The following CD28 variants were observed in gnomAD, a reference collection of about 807,000 sequenced individuals.
CD28 encodes T-cell-specific surface glycoprotein CD28.
CD28 carries 8 observed loss-of-function variants against 21.4 expected under a neutral mutation model. The ratio of observed to expected loss-of-function variants is 0.37; its 90% confidence interval spans 0.22 to 0.68. CD28 has a LOEUF of 0.68. Among genes scored for constraint, CD28 ranks in the 30% least tolerant of loss-of-function variants. The pLI is 0.55. For synonymous variants in CD28, 106 were observed against 104.0 expected (o/e 1.02, Z -0.12); for missense variants, 239 against 272.2 (o/e 0.88, Z 0.86).
chr2:203,728,391 G>A (rs1385377893), intron 2 of CD28, among the ~76,000 whole-genome samples: 2 of 152,136 alleles, frequency 1.3e-5, no homozygotes, highest in African/African-American at 2.4e-5. Flanking sequence ...TGATTTTTTG[G>A]TATACTTTGT....
intron 1 of CD28, among the ~76,000 whole-genome samples, chr2:203,711,507 C>G (rs1693310078): frequency 6.6e-6 from 1 of 152,166 alleles, no homozygotes; most frequent in East Asian, 1.9e-4. Context: ...TTGAGCTGCT[C>G]CCTTATCTCT....
intron 2 of CD28, among the ~76,000 whole-genome samples, chr2:203,728,101 C>T (rs373603238): frequency 1.3e-5 from 2 of 152,324 alleles, no homozygotes; most frequent in East Asian, 1.9e-4. Flanking sequence ...TAAGCCACCG[C>T]GCCCAGCCCG....
chr2:203,726,630 C>T lies in CD28; in HGVS notation c.53-3C>T. Reference sequence around the variant, plus strand: ...CTAAGCAAATGATTTTTTTTTCCCCCAGGAAACAAGATTTTGGTGAAGCAG... The same window carrying T: ...CTAAGCAAATGATTTTTTTTTCCCCTAGGAAACAAGATTTTGGTGAAGCAG... On this transcript the variant is annotated splice_region_variant and splice_polypyrimidine_tract_variant and intron_variant, in intron 1 of 3. Coordinates refer to ENST00000324106, the MANE Select transcript of CD28 (RefSeq NM_006139.4). 1.3e-6 allele frequency: 2 copies of T among 1,586,306 alleles called. No individual in the cohort carries two copies. The highest frequency in any genetic ancestry group is 3.7e-5 in the Admixed American group (2 of 54,418).
In CD28 at chr2:203,727,129, A is replaced by T. The variant is rs1693772704; in HGVS notation, c.409+140A>T. 3 of 629,336 alleles carry T rather than the reference A, an allele frequency of 4.8e-6. No individual in the cohort carries two copies. The African/African-American group carries it at 5.5e-5, about 12-fold the overall frequency. The allele number at this position is 629,336 out of a possible 1,614,324, so 39.0% of individuals were successfully genotyped here. A position where few individuals can be genotyped will look rare whatever the true frequency, so the allele number is the denominator to read the frequency against. ...AACAAAGACAAATAATGTTTTCAGA[A>T]AAATTTTTCCCTTTACTGTAGAGGA... On this transcript the variant is annotated intron_variant, in intron 2 of 3. Coordinates refer to ENST00000324106, the MANE Select transcript of CD28 (RefSeq NM_006139.4).
chr2:203,713,246 A>G (rs1360798541), intron 1 of CD28, among the ~76,000 whole-genome samples: 1 of 152,214 alleles, frequency 6.6e-6, no homozygotes, highest in Non-Finnish European at 1.5e-5. Context: ...TTTTGAAGTA[A>G]TGGCCTGGGT....
chr2:203,706,765 T>C lies in CD28; in HGVS notation c.52+17T>C, dbSNP rs1385754253. On this transcript the variant is annotated intron_variant, in intron 1 of 3. Transcript: ENST00000324106. ...AAGTAACAGGTAAACAATGTTAATG[T>C]CTTTCTTTCTGTAAATATTTTTTGA... 2.6e-6 allele frequency: 4 copies of C among 1,560,870 alleles called. No individual in the cohort carries two copies. The highest frequency in any genetic ancestry group is 2.7e-6 in the Non-Finnish European group (3 of 1,131,862).
At chr2:203,721,158 G>A (rs1404391293) in intron 1 of CD28, among the ~76,000 whole-genome samples, 1 of 152,206 alleles carries the variant, frequency 6.6e-6, no homozygotes, top group Non-Finnish European at 1.5e-5. Context: ...GTGTTTGAGA[G>A]CCAGCTAATT....
intron 1 of CD28, among the ~76,000 whole-genome samples, chr2:203,709,460 T>C (rs1168327418): frequency 6.6e-6 from 1 of 152,228 alleles, no homozygotes; most frequent in African/African-American, 2.4e-5. Flanking sequence ...TCTATAAAGG[T>C]TAAGTCTAAC....
intron 3 of CD28, among the ~76,000 whole-genome samples, chr2:203,733,342 G>A (rs1693947250): frequency 6.6e-6 from 1 of 152,172 alleles, no homozygotes; most frequent in Non-Finnish European, 1.5e-5. Context: ...GGGAGCTTGA[G>A]GTGTCAAGGA....
chr2:203,729,858 T>G lies in CD28; in HGVS notation c.534+86T>G. The G allele has an allele frequency of 2.2e-6, 3 of 1,387,796 alleles. No individual in the cohort carries two copies. In the South Asian group the frequency reaches 3.9e-5, roughly 18 times the overall value. 86.0% of individuals were successfully genotyped at this position (1,387,796 alleles called of 1,614,324 possible). A position where few individuals can be genotyped will look rare whatever the true frequency, so the allele number is the denominator to read the frequency against. On this transcript the variant is annotated intron_variant, in intron 3 of 3. Coordinates refer to ENST00000324106, the MANE Select transcript of CD28 (RefSeq NM_006139.4). ...TCAAGAATTTTGCCTATGTGGTTTA[T>G]TTTCTGTTTAATATAGGATGATGAT...
At chr2:203,716,530 A>C (rs571375110) in intron 1 of CD28, among the ~76,000 whole-genome samples, 43 of 152,320 alleles carry the variant, frequency 2.8e-4, no homozygotes, top group Admixed American at 5.9e-4. Flanking sequence ...CAGAAGTCAG[A>C]ATACCAAAGG....
At chr2:203,712,507 T>C (rs1173393439) in intron 1 of CD28, among the ~76,000 whole-genome samples, 1 of 152,098 alleles carries the variant, frequency 6.6e-6, no homozygotes, top group East Asian at 1.9e-4. Context: ...TCCTTCCCTC[T>C]CAAGTTTCTC....
Position 203,738,004 on chromosome 2 carries a change from G to C in CD28, c.*3092G>C, listed in dbSNP as rs989130263. ...CTCCAGTTTAGCCTTTTTTGAAAAA[G>C]CTAGACTTTCAAATACTAATTTCAC... On this transcript the variant is annotated 3_prime_UTR_variant, in exon 4 of 4. Coordinates refer to ENST00000324106, the MANE Select transcript of CD28 (RefSeq NM_006139.4). 6.6e-6 allele frequency: 1 copy of C among 152,054 alleles called. No homozygotes were observed. The highest frequency in any genetic ancestry group is 2.4e-5 in the African/African-American group (1 of 41,398). 9.4% of individuals were successfully genotyped at this position (152,054 alleles called of 1,614,324 possible).
intron 3 of CD28, among the ~76,000 whole-genome samples, chr2:203,733,750 G>C (rs1693957549): frequency 6.6e-6 from 1 of 152,200 alleles, no homozygotes; most frequent in African/African-American, 2.4e-5. Context: ...CAATAGTATA[G>C]AATACTGCTG....
At chr2:203,711,464 C>A (rs1053918452) in intron 1 of CD28, among the ~76,000 whole-genome samples, 3 of 152,200 alleles carry the variant, frequency 2.0e-5, no homozygotes, top group Admixed American at 6.5e-5. Flanking sequence ...TGGAAGAGAA[C>A]CTGCAAGGTG....
intron 1 of CD28, among the ~76,000 whole-genome samples, chr2:203,707,670 CA>C (rs757054242): frequency 2.6e-4 from 40 of 152,296 alleles, no homozygotes; most frequent in Non-Finnish European, 5.3e-4. Flanking sequence ...GTAGGTATTA[CA>C]GTTAACTTCA....
chr2:203,732,143 T>G (rs1022348241), intron 3 of CD28, among the ~76,000 whole-genome samples: 6 of 152,212 alleles, frequency 3.9e-5, no homozygotes, highest in Non-Finnish European at 8.8e-5. Context: ...GATCCTATTT[T>G]TGGCTGGTCT....
Position 203,726,823 on chromosome 2 carries a change from A to C in CD28, c.243A>C (p.Lys81Asn). ...NYSQQLQVYS[K>N]TGFNCDGKLG... ...CCCAGCAGCTTCAGGTTTACTCAAAAACGGGGTTCAACTGTGATGGGAAAT... is the reference window on the plus strand; with the variant it reads ...CCCAGCAGCTTCAGGTTTACTCAAACACGGGGTTCAACTGTGATGGGAAAT... The change falls in exon 2 of 4, where the codon AAA (lysine) becomes AAC (asparagine). Residue 81 changes from lysine (K) to asparagine (N), a missense_variant. Lys to Asn is a moderately conservative substitution (Grantham distance 94). Around this residue, in one of 3 missense-constraint regions of CD28, gnomAD observed 104 missense variants for 108.5 expected, o/e 0.96. Transcript: ENST00000324106. The C allele has an allele frequency of 1.2e-6, 2 of 1,614,214 alleles. No homozygotes were observed. Among genetic ancestry groups the C allele is most frequent in the South Asian group, 2.2e-5 (2 of 91,082 alleles).
At chr2:203,725,992 T>A (rs1693736398) in intron 1 of CD28, among the ~76,000 whole-genome samples, 1 of 152,174 alleles carries the variant, frequency 6.6e-6, no homozygotes, top group South Asian at 2.1e-4. Context: ...TCAGATCACT[T>A]GAGGCCAGGA....
Sources: gnomAD v4.1 joint callset for allele counts (sites outside exome capture counted in the v4.1 genomes callset) on GRCh38, gnomAD v4.1.1 for gene constraint, gnomAD v4.1.1 regional missense constraint, MANE v1.5 for transcripts, NCBI Gene and HGNC (gene_info 2026-07-23, HGNC 2026-07-21) for gene names.